Variants in MAP3K5 observed in about 807,000 individuals in gnomAD.
The protein encoded by MAP3K5 is mitogen-activated protein kinase kinase kinase 5.
A neutral mutation model predicts 158.7 loss-of-function variants in MAP3K5; 56 were observed. That is an observed-to-expected ratio of 0.35 (90% confidence interval 0.28 to 0.44). MAP3K5 has a LOEUF of 0.44. MAP3K5 is among the 20% of genes least tolerant of loss of function. The pLI, the probability that MAP3K5 is intolerant of heterozygous loss-of-function variation, is 1.00. For missense variants in MAP3K5, 1,294 were observed against 1,674.8 expected, an observed-to-expected ratio of 0.77 and a Z score of 3.97; for synonymous variants, 579 against 601.7, an observed-to-expected ratio of 0.96 and a Z score of 0.55.
intron 10 of MAP3K5, among the ~76,000 whole-genome samples, chr6:136,654,924 T>G (rs1778678518): frequency 6.6e-6 from 1 of 152,188 alleles, no homozygotes; most frequent in East Asian, 1.9e-4. Context: ...ATCAAGTTGG[T>G]GAATATTTTC....
Position 136,642,409 on chromosome 6 carries a change from T to C in MAP3K5, c.1838+111A>G, listed in dbSNP as rs1201860679. ...AGGCTGGGCATTTCCACCAATTGAA[T>C]GATTCTTGACATTCCTTGTATTTTA... is the stretch of plus-strand genomic sequence containing the variant. On this transcript the variant is annotated intron_variant, in intron 12 of 29. Transcript: ENST00000359015. 3 of 803,796 alleles carry C rather than the reference T, an allele frequency of 3.7e-6. No homozygotes were observed. The African/African-American group carries it at 5.2e-5, about 14-fold the overall frequency. 49.8% of individuals were successfully genotyped at this position (803,796 alleles called of 1,614,324 possible). A position where few individuals can be genotyped will look rare whatever the true frequency, so the allele number is the denominator to read the frequency against.
Position 136,748,822 on chromosome 6 carries a change from T to C in MAP3K5, c.449-28233A>G, listed in dbSNP as rs1316510797. On this transcript the variant is annotated intron_variant, in intron 1 of 29. Coordinates refer to ENST00000359015, the MANE Select transcript of MAP3K5 (RefSeq NM_005923.4). ...TAAAATATTGTAAAACAGCTTTAACTAGGTAGCTTTAACTAGATTAACACT... is the reference window on the plus strand; with the variant it reads ...TAAAATATTGTAAAACAGCTTTAACCAGGTAGCTTTAACTAGATTAACACT... Among the ~76,000 whole-genome samples, 4 of 152,218 alleles carry C rather than the reference T, an allele frequency of 2.6e-5. No homozygotes were observed. In the East Asian group the frequency reaches 5.8e-4, roughly 22 times the overall value.
At chr6:136,720,614 C>A in intron 1 of MAP3K5, 25 bp from the exon 2 acceptor site, 2 of 1,589,152 alleles carry the variant, frequency 1.3e-6, no homozygotes, top group African/African-American at 1.3e-5. Context: ...CAAAGTCCCC[C>A]AAAGAATGAC....
chr6:136,604,050 C>T (rs1410126217), intron 19 of MAP3K5, among the ~76,000 whole-genome samples: 2 of 152,164 alleles, frequency 1.3e-5, no homozygotes, highest in Non-Finnish European at 2.9e-5. Flanking sequence ...AGGCCAAACG[C>T]GTGGCTCATG....
At chr6:136,601,737 T>TC in intron 20 of MAP3K5, 65 bp downstream of exon 20, 2 of 1,476,722 alleles carry the variant, frequency 1.4e-6, no homozygotes, top group Non-Finnish European at 1.8e-6. Flanking sequence ...TCCGGAAAAT[T>TC]CTTCCATCTT....
intron 25 of MAP3K5, among the ~76,000 whole-genome samples, chr6:136,574,953 T>G (rs548621760): frequency 6.6e-5 from 10 of 152,080 alleles, no homozygotes; most frequent in Admixed American, 6.5e-4. Context: ...CCTCCCAAAG[T>G]GCTGGGATTA....
intron 28 of MAP3K5, among the ~76,000 whole-genome samples, chr6:136,559,461 T>C (rs1830409289): frequency 6.6e-6 from 1 of 152,280 alleles, no homozygotes; most frequent in Non-Finnish European, 1.5e-5. Context: ...AATGGTCTTC[T>C]AATGAACAGA....
At chr6:136,707,381 C>T (rs565909464) in intron 2 of MAP3K5, among the ~76,000 whole-genome samples, 49 of 152,322 alleles carry the variant, frequency 3.2e-4, no homozygotes, top group Middle Eastern at 3.4e-3. Context: ...AGGTGGAACT[C>T]AAGCTGAGCT....
Position 136,601,015 on chromosome 6 carries a change from A to G in MAP3K5, c.2878+7T>C, listed in dbSNP as rs1057446570. 1.1e-5 allele frequency: 17 copies of G among 1,613,966 alleles called. No individual in the cohort carries two copies. Among genetic ancestry groups the G allele is most frequent in the Non-Finnish European group, 1.3e-5 (15 of 1,179,998 alleles). The stretch of plus-strand genomic sequence containing the variant: ...CAGCTCAATGGGCAAAGTAAAAACA[A>G]ACTCACCATTTGATCCAGCTGAAAG... On this transcript the variant is annotated splice_region_variant and intron_variant, in intron 21 of 29. Coordinates refer to ENST00000359015, the MANE Select transcript of MAP3K5 (RefSeq NM_005923.4).
chr6:136,780,369 T>A (rs1183023529), intron 1 of MAP3K5, among the ~76,000 whole-genome samples: 1 of 152,234 alleles, frequency 6.6e-6, no homozygotes, highest in African/African-American at 2.4e-5. Context: ...TAACCAACTT[T>A]GCATCTATTA....
chr6:136,639,353 G>C (rs921479731), intron 13 of MAP3K5, among the ~76,000 whole-genome samples, 190 bp downstream of exon 13: 1 of 150,882 alleles, frequency 6.6e-6, no homozygotes, highest in Non-Finnish European at 1.5e-5. Context: ...GATAAAGTTT[G>C]ACTTATTAAA....
At chr6:136,576,807 C>G (rs985514672) in intron 25 of MAP3K5, among the ~76,000 whole-genome samples, 2 of 152,118 alleles carry the variant, frequency 1.3e-5, no homozygotes, top group Non-Finnish European at 2.9e-5. Context: ...TTACAGTGGT[C>G]CCATAAGATT....
intron 1 of MAP3K5, among the ~76,000 whole-genome samples, chr6:136,725,010 T>C (rs2224378): frequency 6.6e-6 from 1 of 151,972 alleles, no homozygotes; most frequent in African/African-American, 2.4e-5. Flanking sequence ...TTTCCCAGAA[T>C]GTCATATAAA....
At chr6:136,616,791 C>T (rs147443932) in intron 15 of MAP3K5, among the ~76,000 whole-genome samples, 9 of 152,036 alleles carry the variant, frequency 5.9e-5, no homozygotes, top group African/African-American at 1.2e-4. Context: ...TGCAGTGGCA[C>T]GATTACAGCT....
At chr6:136,701,373 G>T (rs1054528258) in intron 3 of MAP3K5, among the ~76,000 whole-genome samples, 2 of 152,172 alleles carry the variant, frequency 1.3e-5, no homozygotes, top group African/African-American at 2.4e-5. Flanking sequence ...CATATGTCAG[G>T]TAATGAAGCA....
intron 7 of MAP3K5, among the ~76,000 whole-genome samples, chr6:136,669,973 T>C (rs1229956694): frequency 1.3e-5 from 2 of 151,928 alleles, no homozygotes; most frequent in Non-Finnish European, 2.9e-5. Flanking sequence ...AAGTAGTTTT[T>C]ACAAACTCTT....
intron 1 of MAP3K5, among the ~76,000 whole-genome samples, chr6:136,761,409 T>C (rs1783753577): frequency 6.6e-6 from 1 of 151,426 alleles, no homozygotes. Context: ...GGCAGGGCTG[T>C]GTGGAGGACA....
chr6:136,658,612 G>A (rs1778870639), intron 9 of MAP3K5, among the ~76,000 whole-genome samples: 3 of 151,884 alleles, frequency 2.0e-5, no homozygotes, highest in Admixed American at 6.6e-5. Context: ...CCGTGCGCCC[G>A]GCCAACACTG....
intron 11 of MAP3K5, among the ~76,000 whole-genome samples, chr6:136,649,991 G>C (rs1457124243): frequency 1.3e-5 from 2 of 152,122 alleles, no homozygotes; most frequent in African/African-American, 4.8e-5. Context: ...TTTACTTCCT[G>C]CTTCCACTTC....
Sources: gnomAD v4.1 joint callset for allele counts (sites outside exome capture counted in the v4.1 genomes callset) on GRCh38, gnomAD v4.1.1 for gene constraint, MANE v1.5 for transcripts, NCBI Gene and HGNC (gene_info 2026-07-23, HGNC 2026-07-21) for gene names.